COL5A2: variants seen among roughly 807,000 people sequenced by gnomAD.
The protein encoded by COL5A2 is collagen type V alpha 2 chain.
COL5A2 carries 23 observed loss-of-function variants against 208.2 expected under a neutral mutation model. The ratio of observed to expected loss-of-function variants is 0.11; its 90% confidence interval spans 0.08 to 0.16. The LOEUF is 0.16. Among genes scored for constraint, COL5A2 ranks in the 10% least tolerant of loss-of-function variants. The pLI is 1.00. For missense variants in COL5A2, 1,590 were observed against 1,956.4 expected (o/e 0.81, Z 3.53); for synonymous variants, 625 against 628.5 (o/e 0.99, Z 0.08).
At chr2:189,413,574 A>G in the COL5A2 span, among the ~76,000 whole-genome samples, 1 of 152,154 alleles carries the variant, frequency 6.6e-6, no homozygotes, top group African/African-American at 2.4e-5. Flanking sequence ...AAAACAAAAG[A>G]AATTTACGCT....
intron 18 of COL5A2, among the ~76,000 whole-genome samples, chr2:189,069,501 A>G (rs1483454053): frequency 6.6e-6 from 1 of 152,160 alleles, no homozygotes; most frequent in Non-Finnish European, 1.5e-5. Context: ...TGACCAACCC[A>G]CTGTGCTTAA....
chr2:189,406,908 A>T, the COL5A2 span, among the ~76,000 whole-genome samples: 1 of 152,116 alleles, frequency 6.6e-6, no homozygotes, highest in African/African-American at 2.4e-5. Flanking sequence ...AAGAAACTGG[A>T]AGGATCACTT....
the COL5A2 span, among the ~76,000 whole-genome samples, chr2:189,340,188 C>T: frequency 6.6e-6 from 1 of 152,176 alleles, no homozygotes; most frequent in Non-Finnish European, 1.5e-5. Flanking sequence ...CCACAAGTGG[C>T]TCCATTCAGT....
chr2:189,048,345 G>A (rs1223502304), intron 44 of COL5A2, 83 bp from the exon 45 acceptor site: 1 of 1,215,306 alleles, frequency 8.2e-7, no homozygotes, highest in East Asian at 2.4e-5. Context: ...ATGACAGCAT[G>A]TTTTACACCT....
At chr2:189,103,495 C>G (rs943280885) in intron 3 of COL5A2, among the ~76,000 whole-genome samples, 3 of 152,166 alleles carry the variant, frequency 2.0e-5, no homozygotes, top group Admixed American at 2.0e-4. Flanking sequence ...TTTCTACTGC[C>G]TTGATCCCTG....
the COL5A2 span, among the ~76,000 whole-genome samples, chr2:189,313,820 A>G: frequency 1.3e-5 from 2 of 152,202 alleles, no homozygotes; most frequent in Admixed American, 6.5e-5. Flanking sequence ...CAGACTTTAA[A>G]CCAACAAAGA....
At chr2:189,273,189 A>C in the COL5A2 span, among the ~76,000 whole-genome samples, 1 of 152,156 alleles carries the variant, frequency 6.6e-6, no homozygotes, top group Non-Finnish European at 1.5e-5. Context: ...TGAATGTGTG[A>C]GATCTGACTC....
At chr2:189,101,508 T>C (rs2105693207) in intron 3 of COL5A2, among the ~76,000 whole-genome samples, 1 of 152,216 alleles carries the variant, frequency 6.6e-6, no homozygotes, top group South Asian at 2.1e-4. Context: ...AATATCTTTG[T>C]TTATAAATGT....
intron 12 of COL5A2, among the ~76,000 whole-genome samples, chr2:189,082,109 TC>T (rs1686546755): frequency 6.6e-6 from 1 of 152,200 alleles, no homozygotes; most frequent in Non-Finnish European, 1.5e-5. Context: ...GTTTGATATT[TC>T]TTACTCTCAT....
intron 16 of COL5A2, among the ~76,000 whole-genome samples, chr2:189,076,373 G>A (rs1006800525): frequency 1.3e-5 from 2 of 152,146 alleles, no homozygotes; most frequent in African/African-American, 4.8e-5. Context: ...GGCATGCCGC[G>A]ATGGCACAAT....
the COL5A2 span, among the ~76,000 whole-genome samples, chr2:189,357,915 C>G: frequency 1.3e-5 from 2 of 152,112 alleles, no homozygotes; most frequent in African/African-American, 4.8e-5. Flanking sequence ...AATGCAGTAT[C>G]TGGGCCAGAG....
chr2:189,143,599 A>C (rs774927462), intron 1 of COL5A2, among the ~76,000 whole-genome samples: 12 of 152,186 alleles, frequency 7.9e-5, no homozygotes, highest in Non-Finnish European at 1.6e-4. Context: ...CATTGTGTCC[A>C]TTATACTATG....
chr2:189,092,354 G>A lies in COL5A2; in HGVS notation c.523C>T (p.Pro175Ser). The change falls in exon 7 of 54, where the codon CCT becomes TCT. Residue 175 changes from proline (P) to serine (S), a missense_variant. By Grantham distance (74) the Pro-to-Ser change is moderately conservative (BLOSUM62 -1). Transcript: ENST00000374866. ...CCTGGGTGGGACGGATGTCCAGGAG[G>A]TCCTGGAGCACCAGGTTGACCAGGA... ...GVPGQPGAPG[P>S]PGHPSHPGPD... 6.2e-7 allele frequency: 1 copy of A among 1,609,930 alleles called. No individual in the cohort carries two copies. Among genetic ancestry groups the A allele is most frequent in the South Asian group, 1.1e-5 (1 of 89,898 alleles).
At chr2:189,299,261 C>T in the COL5A2 span, among the ~76,000 whole-genome samples, 9 of 151,608 alleles carry the variant, frequency 5.9e-5, no homozygotes, top group African/African-American at 2.2e-4. Flanking sequence ...ATATACAATT[C>T]CATTGACTTT....
chr2:189,396,287 A>C, the COL5A2 span, among the ~76,000 whole-genome samples: 1 of 152,350 alleles, frequency 6.6e-6, no homozygotes, highest in South Asian at 2.1e-4. Context: ...ACATGCAGAC[A>C]ATTTTGGAAA....
chr2:189,429,791 T>C, the COL5A2 span, among the ~76,000 whole-genome samples: 1 of 152,234 alleles, frequency 6.6e-6, no homozygotes, highest in East Asian at 1.9e-4. Context: ...TAGTTGACAT[T>C]CTATCTTCAG....
chr2:189,181,224 C>T (rs1688775117), upstream of COL5A2, among the ~76,000 whole-genome samples: 1 of 152,178 alleles, frequency 6.6e-6, no homozygotes, highest in African/African-American at 2.4e-5. Context: ...AGCTTTGGAA[C>T]TAGACTCTGG....
chr2:189,083,867 A>T, intron 12 of COL5A2, 117 bp downstream of exon 12: 1 of 800,002 alleles, frequency 1.3e-6, no homozygotes, highest in Non-Finnish European at 2.2e-6. Flanking sequence ...ACGGAAACAA[A>T]CAATGCTGTT....
the COL5A2 span, among the ~76,000 whole-genome samples, chr2:189,399,844 T>C: frequency 0.028 from 4,235 of 152,068 alleles, 195 homozygotes; most frequent in African/African-American, 0.097. Flanking sequence ...AGACTAGAGA[T>C]ACATGCCACC....
Sources: gnomAD v4.1 joint callset for allele counts (sites outside exome capture counted in the v4.1 genomes callset) on GRCh38, gnomAD v4.1.1 for gene constraint, MANE v1.5 for transcripts, NCBI Gene and HGNC (gene_info 2026-07-23, HGNC 2026-07-21) for gene names.